The following VPS18 variants were observed in gnomAD, a reference collection of about 807,000 sequenced individuals.
The protein encoded by VPS18 is vacuolar protein sorting-associated protein 18 homolog.
A neutral mutation model predicts 82.0 loss-of-function variants in VPS18; 25 were observed. The ratio of observed to expected loss-of-function variants is 0.30; its 90% CI spans 0.22 to 0.43. The LOEUF is 0.43. VPS18 is among the 20% of genes least tolerant of loss of function. The pLI, the probability that VPS18 is intolerant of heterozygous loss-of-function variation, is 1.00. For synonymous variants in VPS18, 523 were observed against 543.0 expected, an observed-to-expected ratio of 0.96 and a Z score of 0.51; for missense variants, 1,168 against 1,311.1, an observed-to-expected ratio of 0.89 and a Z score of 1.69.
rs1221013110 is a variant in VPS18 at position 40,903,363 on chromosome 15, G to A, written c.*22G>A. 1 of 1,519,250 alleles carries A rather than the reference G, an allele frequency of 6.6e-7. No individual in the cohort carries two copies. 94.1% of individuals were successfully genotyped at this position (1,519,250 alleles called of 1,614,324 possible). ...GTAGGAGGGTGTCACCTTTGATGGGGGGTGGGCAATGGGGAGCAGTGGCTT... is the reference window on the plus strand; with the variant it reads ...GTAGGAGGGTGTCACCTTTGATGGGAGGTGGGCAATGGGGAGCAGTGGCTT... On this transcript the variant is annotated 3_prime_UTR_variant, in exon 5 of 5. Transcript: ENST00000220509.
intron 2 of VPS18, chr15:40,898,685 C>G (rs1892278724): frequency 3.4e-6 from 2 of 586,354 alleles, no homozygotes; most frequent in Admixed American, 5.6e-5. Context: ...GTTGCCCAGT[C>G]TGGTCTCAAA....
intron 1 of VPS18, 126 bp from the exon 2 acceptor site, chr15:40,895,812 A>T (rs1041533605): frequency 1.5e-6 from 2 of 1,329,228 alleles, no homozygotes; most frequent in African/African-American, 2.9e-5. Context: ...CTATTTGTTA[A>T]CCAAGGTCCT....
Position 40,900,633 on chromosome 15 carries a change from C to T in VPS18, c.1815C>T (p.His605=). The T allele has an allele frequency of 1.2e-6, 2 of 1,614,168 alleles. No individual in the cohort carries two copies. Among genetic ancestry groups the T allele is most frequent in the East Asian group, 2.2e-5 (1 of 44,870 alleles). The change falls in exon 4 of 5, where the codon CAC becomes CAT. Residue 605 remains histidine (H), a synonymous_variant. Coordinates refer to ENST00000220509, the MANE Select transcript of VPS18 (RefSeq NM_020857.3). This position sits in a 1 kb window ranked among gnomAD's most constrained non-coding sequence, Gnocchi z 5.4. The part of the protein sequence containing the change: ...FYKFSPILIR[H]IPRQLVDAWI... ...AGTTCTCACCCATCCTCATCCGTCA[C>T]ATCCCCCGCCAGCTTGTAGATGCCT...
At chr15:40,897,549 T>G (rs575684238) in intron 2 of VPS18, among the ~76,000 whole-genome samples, 1 of 152,334 alleles carries the variant, frequency 6.6e-6, no homozygotes, top group African/African-American at 2.4e-5. Context: ...AACAGGAGTT[T>G]GAGAAGAAAA....
At chr15:40,895,208 A>C (rs1019819888) in intron 1 of VPS18, among the ~76,000 whole-genome samples, 1 of 152,054 alleles carries the variant, frequency 6.6e-6, no homozygotes, top group Non-Finnish European at 1.5e-5. Context: ...CCCCTTCTGG[A>C]GGTGGGAGGG....
rs150052892 is a variant in VPS18, at chr15:40,900,215, A to C, written c.1397A>C (p.Glu466Ala). 1 of 1,613,786 alleles carries C rather than the reference A, an allele frequency of 6.2e-7. No individual in the cohort carries two copies. Among genetic ancestry groups the C allele is most frequent in the East Asian group, 2.2e-5 (1 of 44,872 alleles). The change falls in exon 4 of 5, where the codon GAG becomes GCG. Residue 466 changes from glutamate to alanine, a missense_variant. Physicochemically the swap from Glu to Ala is moderately radical, Grantham distance 107. This residue lies in a region of VPS18 where 868 missense variants were observed against 939.8 expected (regional missense o/e 0.92). Transcript: ENST00000220509. The surrounding 1 kb of genome is among the most constrained non-coding windows in gnomAD (Gnocchi z 5.4). The stretch of plus-strand genomic sequence containing the variant: ...CTCAAGTTCCTGGAGGCCCGACAGG[A>C]GGAGGCTCTGGCTGAGTTCCTGCAG... ...IALKFLEARQ[E>A]EALAEFLQRK...
At chr15:40,897,692 C>G (rs1212669065) in intron 2 of VPS18, among the ~76,000 whole-genome samples, 2 of 152,160 alleles carry the variant, frequency 1.3e-5, no homozygotes, top group Non-Finnish European at 2.9e-5. Context: ...TGAGATAATA[C>G]TAGATTGATG....
chr15:40,903,309 C>T lies in VPS18; in HGVS notation c.2890C>T (p.Arg964Cys), dbSNP rs543672195. The change falls in exon 5 of 5, where the codon CGC (arginine) becomes TGC (cysteine). Residue 964 changes from arginine to cysteine, a missense_variant. This residue lies in a region of VPS18 where 296 missense variants were observed against 354.0 expected (regional missense o/e 0.84). Transcript: ENST00000220509. ...SIDRPFIDPQ[R>C]YEEEQLSWL ...CGACCGGCCGTTCATCGACCCCCAGCGCTACGAGGAGGAGCAGCTCAGTTG... is the reference window on the plus strand; with the variant it reads ...CGACCGGCCGTTCATCGACCCCCAGTGCTACGAGGAGGAGCAGCTCAGTTG... 2.8e-5 allele frequency: 43 copies of T among 1,551,224 alleles called. No homozygotes were observed. The highest frequency in any genetic ancestry group is 1.3e-4 in the South Asian group (11 of 81,484).
chr15:40,903,238 T>C lies in VPS18; in HGVS notation c.2819T>C (p.Val940Ala), dbSNP rs1232640605. The part of the protein sequence containing the change: ...EQLKADLDEL[V>A]AAECVYCGEL... ...CTCAAGGCTGACCTGGATGAGTTGGTGGCCGCTGAGTGTGTGTACTGTGGG... is the reference window on the plus strand; with the variant it reads ...CTCAAGGCTGACCTGGATGAGTTGGCGGCCGCTGAGTGTGTGTACTGTGGG... Residue 940 changes from valine to alanine, a missense_variant, in exon 5 of 5, where the codon GTG becomes GCG. By Grantham distance (64) the Val-to-Ala change is moderately conservative. Coordinates refer to ENST00000220509, the MANE Select transcript of VPS18 (RefSeq NM_020857.3). The C allele has an allele frequency of 2.5e-6, 4 of 1,611,352 alleles. No homozygotes were observed. In the East Asian group the frequency reaches 6.7e-5, roughly 27 times the overall value.
At position 40,900,951 on chromosome 15, in the gene VPS18, C is replaced by T. The variant is rs12914973; in HGVS notation, c.2133C>T (p.Arg711=). The change falls in exon 4 of 5, where the codon CGC becomes CGT. Residue 711 remains arginine (R), a synonymous_variant. Coordinates refer to ENST00000220509, the MANE Select transcript of VPS18 (RefSeq NM_020857.3). The surrounding 1 kb of genome is among the most constrained non-coding windows in gnomAD (Gnocchi z 5.4). ...LRLCAEHGHH[R]ACVHVYKVLE... ...TCTGCGCCGAGCATGGCCACCACCG[C>T]GCTTGTGTCCATGTCTACAAGGTCC... 8.6e-3 allele frequency: 13,877 copies of T among 1,612,114 alleles called. 78 individuals are homozygous for T. The highest frequency in any genetic ancestry group is 0.011 in the Non-Finnish European group (12,586 of 1,180,020).
At chr15:40,898,005 C>T (rs11629546) in intron 2 of VPS18, among the ~76,000 whole-genome samples, 33,246 of 152,088 alleles carry the variant, frequency 0.22, 4,108 homozygotes, top group Middle Eastern at 0.29. Context: ...CTTGCTCTGT[C>T]ACCCAGGCTG....
Position 40,903,212 on chromosome 15 carries a change from G to T in VPS18, c.2793G>T (p.Gln931His), listed in dbSNP as rs1372167162. 7 of 1,611,794 alleles carry T rather than the reference G, an allele frequency of 4.3e-6. No individual in the cohort carries two copies. The South Asian group carries it at 6.6e-5, about 15-fold the overall frequency. ...CCACGGCAGGGCCCAGCCGGGAACA[G>T]CTCAAGGCTGACCTGGATGAGTTGG... is the stretch of plus-strand genomic sequence containing the variant. ...GAATAGPSREQLKADLDELVA... is the reference protein window; with the variant it reads ...GAATAGPSREHLKADLDELVA... The change falls in exon 5 of 5, where the codon CAG becomes CAT. Residue 931 changes from glutamine (Q) to histidine (H), a missense_variant. By Grantham distance (24) the Gln-to-His change is conservative. Transcript: ENST00000220509.
Position 40,900,012 on chromosome 15 carries a change from C to G in VPS18, c.1194C>G (p.Val398=), listed in dbSNP as rs761232357. 1.2e-6 allele frequency: 2 copies of G among 1,614,068 alleles called. No homozygotes were observed. The highest frequency in any genetic ancestry group is 1.1e-5 in the South Asian group (1 of 91,090). ...RYHVQREARD[V]WRTYLDMNRF... is the part of the protein sequence containing the mutation. Reference sequence around the variant, plus strand: ...ACGTGCAACGGGAGGCCCGAGATGTCTGGCGCACCTATCTGGACATGAACC... The same window carrying G: ...ACGTGCAACGGGAGGCCCGAGATGTGTGGCGCACCTATCTGGACATGAACC... Residue 398 remains valine, a synonymous_variant, in exon 4 of 5, where the codon GTC becomes GTG. Coordinates refer to ENST00000220509, the MANE Select transcript of VPS18 (RefSeq NM_020857.3). The surrounding 1 kb of genome is among the most constrained non-coding windows in gnomAD (Gnocchi z 5.4).
At chr15:40,894,953 C>A in intron 1 of VPS18, 94 bp downstream of exon 1, 6 of 1,286,150 alleles carry the variant, frequency 4.7e-6, no homozygotes, top group South Asian at 1.4e-5. Flanking sequence ...CGGGGTCATC[C>A]CCTGGGCCGT....
At chr15:40,901,633 C>T (rs75348051) in intron 4 of VPS18, among the ~76,000 whole-genome samples, 5,973 of 150,594 alleles carry the variant, frequency 0.04, 181 homozygotes, top group East Asian at 0.095. Context: ...GGGCCGGGCG[C>T]GGTGGCTCAT....
intron 2 of VPS18, 109 bp downstream of exon 2, chr15:40,896,188 A>C: frequency 6.8e-7 from 1 of 1,474,576 alleles, no homozygotes; most frequent in Admixed American, 2.0e-5. Flanking sequence ...GTGAATTTGG[A>C]GTTTTCAGGA....
intron 1 of VPS18, 25 bp downstream of exon 1, chr15:40,894,884 C>T (rs773213295): frequency 1.3e-6 from 2 of 1,542,002 alleles, no homozygotes; most frequent in Non-Finnish European, 1.7e-6. Flanking sequence ...GGTGCCGCTG[C>T]CCCTTTCGGC....
chr15:40,898,561 TCC>T, intron 2 of VPS18: 3 of 326,238 alleles, frequency 9.2e-6, no homozygotes, highest in South Asian at 2.7e-5. Flanking sequence ...AACCTCTGCC[TCC>T]CGGGCTCAGG....
rs1237654664 is a variant in VPS18 at position 40,894,871 on chromosome 15, G to A, written c.91+12G>A. Reference sequence around the variant, plus strand: ...CATCCCCCACTCGGGTAAGGAAGAGGAGGGTGCCGCTGCCCCTTTCGGCTC... The same window carrying A: ...CATCCCCCACTCGGGTAAGGAAGAGAAGGGTGCCGCTGCCCCTTTCGGCTC... On this transcript the variant is annotated intron_variant, in intron 1 of 4. Transcript: ENST00000220509. The A allele has an allele frequency of 6.5e-7, 1 of 1,548,348 alleles. No individual in the cohort carries two copies. The highest frequency in any genetic ancestry group is 8.7e-7 in the Non-Finnish European group (1 of 1,146,836).
Sources: allele counts gnomAD v4.1 joint callset (sites outside exome capture counted in the v4.1 genomes callset), GRCh38; gene constraint gnomAD v4.1.1; regional missense constraint gnomAD v4.1.1; non-coding constraint Gnocchi (gnomAD v3.1); transcripts MANE v1.5; gene names NCBI Gene and HGNC (gene_info 2026-07-23, HGNC 2026-07-21).